The following CYP2B6 variants were observed in gnomAD, a reference collection of about 807,000 sequenced individuals.
The protein encoded by CYP2B6 is cytochrome P450 family 2 subfamily B member 6, also known as cytochrome P450 2B6.
In CYP2B6, 35 loss-of-function variants were observed where a neutral mutation model predicts 43.4. The ratio of observed to expected loss-of-function variants is 0.81; its 90% CI spans 0.62 to 1.07. The LOEUF (loss-of-function observed/expected upper bound fraction) is 1.07, where lower values mean the gene tolerates loss of function less well. Ranked by LOEUF, CYP2B6 falls within the 50% of genes least tolerant of loss-of-function variation. The pLI is 0.00. For synonymous variants in CYP2B6, 239 were observed against 239.2 expected, an observed-to-expected ratio of 1.00 and a Z score of 0.01; for missense variants, 624 against 632.8, an observed-to-expected ratio of 0.99 and a Z score of 0.15.
intron 3 of CYP2B6, among the ~76,000 whole-genome samples, chr19:41,006,558 A>G (rs770615887): frequency 3.3e-5 from 5 of 151,888 alleles, no homozygotes; most frequent in Non-Finnish European, 5.9e-5. Context: ...GTGGGGCCTG[A>G]GAGGAGGTGC....
chr19:41,009,878 G>A, intron 5 of CYP2B6, 116 bp from the exon 6 acceptor site: 2 of 1,248,936 alleles, frequency 1.6e-6, no homozygotes, highest in Non-Finnish European at 1.2e-6. Context: ...AGCAAACTGG[G>A]CCAGATAGTG....
intron 3 of CYP2B6, 114 bp downstream of exon 3, chr19:41,004,560 C>G: frequency 8.5e-7 from 1 of 1,182,506 alleles, no homozygotes; most frequent in Non-Finnish European, 1.2e-6. Context: ...ACAGACGAAA[C>G]TGGAGACACC....
chr19:41,007,383 T>G, intron 4 of CYP2B6: 1 of 380,824 alleles, frequency 2.6e-6, no homozygotes, highest in Non-Finnish European at 4.9e-6. Flanking sequence ...TTGATGAGAA[T>G]GAGTGTGAAA....
At chr19:40,993,854 T>C (rs1350489441) in intron 1 of CYP2B6, among the ~76,000 whole-genome samples, 2 of 152,136 alleles carry the variant, frequency 1.3e-5, no homozygotes, top group Non-Finnish European at 2.9e-5. Context: ...AATATTTGGT[T>C]TTCTTCAGCA....
At chr19:41,005,502 T>A (rs141553083) in intron 3 of CYP2B6, among the ~76,000 whole-genome samples, 1 of 151,018 alleles carries the variant, frequency 6.6e-6, no homozygotes, top group East Asian at 1.9e-4. Context: ...AAAATATAGG[T>A]TGGGTATGGG....
At chr19:41,015,473 A>C (rs964335546) in intron 8 of CYP2B6, among the ~76,000 whole-genome samples, 1 of 152,198 alleles carries the variant, frequency 6.6e-6, no homozygotes. Flanking sequence ...CACACTTGAC[A>C]TGGCCTTTCC....
intron 8 of CYP2B6, among the ~76,000 whole-genome samples, chr19:41,013,875 A>G (rs1406242246): frequency 1.3e-5 from 2 of 152,216 alleles, no homozygotes; most frequent in East Asian, 3.9e-4. Flanking sequence ...ATCCACAGGG[A>G]AAGGAACTGA....
intron 6 of CYP2B6, among the ~76,000 whole-genome samples, chr19:41,010,979 T>C (rs759769304): frequency 2.0e-5 from 3 of 152,236 alleles, no homozygotes; most frequent in African/African-American, 4.8e-5. Flanking sequence ...AATTAAAGAA[T>C]GTATAATTAC....
Position 41,016,770 on chromosome 19 carries a change from G to C in CYP2B6, c.1419G>C (p.Gln473His). Reference protein sequence around the residue: ...VAPEDIDLTPQECGVGKIPPT... With the variant: ...VAPEDIDLTPHECGVGKIPPT... ...CAGAAGACATCGATCTGACACCCCAGGAGTGTGGTGTGGGCAAAATACCCC... is the reference window on the plus strand; with the variant it reads ...CAGAAGACATCGATCTGACACCCCACGAGTGTGGTGTGGGCAAAATACCCC... Residue 473 changes from glutamine to histidine, a missense_variant, in exon 9 of 9, where the codon CAG becomes CAC. By Grantham distance (24) the Gln-to-His change is conservative. Transcript: ENST00000324071. The C allele has an allele frequency of 6.2e-7, 1 of 1,614,178 alleles. No homozygotes were observed. The highest frequency in any genetic ancestry group is 8.5e-7 in the Non-Finnish European group (1 of 1,180,022).
At chr19:41,016,399 CAAAAAA>C (rs869180190) in intron 8 of CYP2B6, among the ~76,000 whole-genome samples, 13 of 76,862 alleles carry the variant, frequency 1.7e-4, no homozygotes, top group Non-Finnish European at 2.2e-4. Flanking sequence ...GACTCCATCT[CAAAAAA>C]AAAAAAAAAA....
chr19:41,013,856 G>A (rs1260206681), intron 8 of CYP2B6, among the ~76,000 whole-genome samples: 172 of 152,224 alleles, frequency 1.1e-3, no homozygotes, highest in African/African-American at 4.0e-3. Context: ...ATGTGGTCAG[G>A]CACTATTTAT....
chr19:40,991,491 A>T lies in CYP2B6; in HGVS notation c.171+15A>T, dbSNP rs757866517. The T allele has an allele frequency of 6.2e-7, 1 of 1,613,078 alleles. No individual in the cohort carries two copies. The highest frequency in any genetic ancestry group is 1.1e-5 in the South Asian group (1 of 91,032). ...CCTTTCTGAGGGTAAGACACAGACGAATGGGGTCTGAGGGTGAGCTGCTTC... is the reference window on the plus strand; with the variant it reads ...CCTTTCTGAGGGTAAGACACAGACGTATGGGGTCTGAGGGTGAGCTGCTTC... On this transcript the variant is annotated intron_variant, in intron 1 of 8. Transcript: ENST00000324071.
rs1419982100 is a variant in CYP2B6 at position 40,997,775 on chromosome 19, A to G, written c.172-6226A>G. On this transcript the variant is annotated intron_variant, in intron 1 of 8. Transcript: ENST00000324071. ...GGGAGCCAAGGAGTCTTATGATTAGATAAGATGTTGTTTGGGTGGCTCACG... is the reference window on the plus strand; with the variant it reads ...GGGAGCCAAGGAGTCTTATGATTAGGTAAGATGTTGTTTGGGTGGCTCACG... Among the ~76,000 whole-genome samples the G allele has an allele frequency of 2.6e-5, 4 of 152,048 alleles. 1 individual carries two copies. The highest frequency in any genetic ancestry group is 7.3e-5 in the African/African-American group (3 of 41,340).
At chr19:40,998,489 C>T (rs57843722) in intron 1 of CYP2B6, among the ~76,000 whole-genome samples, 12,015 of 150,546 alleles carry the variant, frequency 0.08, 1,609 homozygotes, top group African/African-American at 0.28. Flanking sequence ...TAGTTACATA[C>T]GTATACATGT....
rs1049774399 is a variant in CYP2B6 at position 41,012,598 on chromosome 19, TG to T, written c.1153-75del. 3 of 1,612,364 alleles carry T rather than the reference TG, an allele frequency of 1.9e-6. No individual in the cohort carries two copies. In the African/African-American group the frequency reaches 4.0e-5, roughly 22 times the overall value. ...ATTGAGTCCCGTTGTTTTTGTTTTTTGTATTTCTTTTTTGTGGAGTGTGTGG... is the reference window on the plus strand; with the variant it reads ...ATTGAGTCCCGTTGTTTTTGTTTTTTTATTTCTTTTTTGTGGAGTGTGTGG... On this transcript the variant is annotated intron_variant, in intron 7 of 8. Transcript: ENST00000324071.
At chr19:41,015,443 A>C (rs993955268) in intron 8 of CYP2B6, among the ~76,000 whole-genome samples, 9 of 152,248 alleles carry the variant, frequency 5.9e-5, no homozygotes, top group African/African-American at 2.2e-4. Context: ...CTTGACAGGC[A>C]TAGGGAATGC....
intron 1 of CYP2B6, among the ~76,000 whole-genome samples, chr19:40,999,581 C>T (rs1427572237): frequency 6.6e-6 from 1 of 152,064 alleles, no homozygotes; most frequent in Non-Finnish European, 1.5e-5. Context: ...TTTAATCCAT[C>T]TTGAATTGAT....
chr19:40,998,931 T>C (rs1208326934), intron 1 of CYP2B6, among the ~76,000 whole-genome samples: 1 of 126,894 alleles, frequency 7.9e-6, no homozygotes, highest in Non-Finnish European at 1.6e-5. Flanking sequence ...GTCCTTTGGG[T>C]ATATACCCAG....
At chr19:41,008,328 C>T (rs1292786324) in intron 4 of CYP2B6, among the ~76,000 whole-genome samples, 1 of 148,892 alleles carries the variant, frequency 6.7e-6, no homozygotes, top group East Asian at 1.9e-4. Flanking sequence ...TCTCATGGCT[C>T]AGCCTCCCGA....
Sources: allele counts gnomAD v4.1 joint callset (sites outside exome capture counted in the v4.1 genomes callset), GRCh38; gene constraint gnomAD v4.1.1; transcripts MANE v1.5; gene names NCBI Gene and HGNC (gene_info 2026-07-23, HGNC 2026-07-21).